ZAN: variants seen among roughly 807,000 people sequenced by gnomAD.
The protein encoded by ZAN is zonadhesin (gene/pseudogene).
ZAN carries 260 observed loss-of-function variants against 286.2 expected under a neutral mutation model. That is an observed-to-expected ratio of 0.91 (90% confidence interval 0.82 to 1.01). The LOEUF is 1.01. Ranked by LOEUF, ZAN falls within the 50% of genes least tolerant of loss-of-function variation. ZAN has a pLI of 0.00. For synonymous variants in ZAN, 1,368 were observed against 1,417.5 expected, an observed-to-expected ratio of 0.97 and a Z score of 0.79; for missense variants, 3,410 against 3,639.2, an observed-to-expected ratio of 0.94 and a Z score of 1.62.
intron 29 of ZAN, among the ~76,000 whole-genome samples, chr7:100,772,692 G>A (rs536948898): frequency 3.3e-5 from 5 of 151,582 alleles, no homozygotes; most frequent in Admixed American, 6.6e-5. Context: ...GTGGTGGTGG[G>A]CGCCTGTAGT....
At position 100,773,290 on chromosome 7, in the gene ZAN, A is replaced by T. The variant is rs748303052; in HGVS notation, c.5431A>T (p.Arg1811Trp). The change falls in exon 30 of 48, where the codon AGG becomes TGG. Residue 1811 changes from arginine to tryptophan, a missense_variant. Coordinates refer to ENST00000613979, the MANE Select transcript of ZAN (RefSeq NM_003386.3). ...AWRNRTFCPM[R>W]CPPGSSYSPC... ...AATGCTCTCATTTTCTTTAGCTATGAGGTGCCCACCTGGCAGCAGCTACAG... is the reference window on the plus strand; with the variant it reads ...AATGCTCTCATTTTCTTTAGCTATGTGGTGCCCACCTGGCAGCAGCTACAG... 1.2e-6 allele frequency: 2 copies of T among 1,613,130 alleles called. No homozygotes were observed. Among genetic ancestry groups the T allele is most frequent in the Non-Finnish European group, 1.7e-6 (2 of 1,179,882 alleles).
intron 17 of ZAN, 107 bp from the exon 18 acceptor site, chr7:100,759,614 G>A: frequency 7.2e-7 from 1 of 1,391,378 alleles, no homozygotes; most frequent in Non-Finnish European, 9.4e-7. Context: ...TGGGGCTGGT[G>A]TCTCGGTGGC....
At chr7:100,778,757 G>C (rs1476433216) in intron 34 of ZAN, among the ~76,000 whole-genome samples, 1 of 152,110 alleles carries the variant, frequency 6.6e-6, no homozygotes, top group Non-Finnish European at 1.5e-5. Context: ...ATAGGGCCAG[G>C]CGTGGTGGCT....
Position 100,750,704 on chromosome 7 carries a change from C to G in ZAN, c.1329C>G (p.Cys443Trp). ...TCAGACTGGTGAGCCGGCCCTTCTG[C>G]GCCCCAGGTGACATCTGCGTGGAGT... ...QSVRLVSRPF[C>W]APGDICVEFA... The change falls in exon 12 of 48, where the codon TGC becomes TGG. Residue 443 changes from cysteine (C) to tryptophan (W), a missense_variant. Physicochemically the swap from Cys to Trp is radical, Grantham distance 215 (BLOSUM62 -2). Coordinates refer to ENST00000613979, the MANE Select transcript of ZAN (RefSeq NM_003386.3). 6.2e-7 allele frequency: 1 copy of G among 1,612,898 alleles called. No individual in the cohort carries two copies. Among genetic ancestry groups the G allele is most frequent in the South Asian group, 1.1e-5 (1 of 90,840 alleles).
chr7:100,788,136 G>A lies in ZAN; in HGVS notation c.7227G>A (p.Val2409=). Residue 2409 remains valine (V), a splice_region_variant and synonymous_variant, in exon 38 of 48, where the codon GTG becomes GTA. Coordinates refer to ENST00000613979, the MANE Select transcript of ZAN (RefSeq NM_003386.3). ...AGCTCCAAGCTGGTCTGGAGCTTGT[G>A]GTAAGAGCTGGGCCAGGGCCTGGTG... The part of the protein sequence containing the change: ...KVQLQAGLEL[V]VNNQKMAVPY... 1 of 1,485,784 alleles carries A rather than the reference G, an allele frequency of 6.7e-7. No individual in the cohort carries two copies. Among genetic ancestry groups the A allele is most frequent in the Non-Finnish European group, 9.1e-7 (1 of 1,103,520 alleles). 92.0% of individuals were successfully genotyped at this position (1,485,784 alleles called of 1,614,324 possible).
At chr7:100,767,480 T>TG (rs1276189981) in intron 25 of ZAN, among the ~76,000 whole-genome samples, 1 of 141,792 alleles carries the variant, frequency 7.1e-6, no homozygotes, top group African/African-American at 2.6e-5. Context: ...TTTTTTTTTT[T>TG]TTTTTTTTTT....
chr7:100,787,371 G>T (rs570689640), intron 37 of ZAN, among the ~76,000 whole-genome samples: 3 of 151,964 alleles, frequency 2.0e-5, no homozygotes, highest in Non-Finnish European at 4.4e-5. Context: ...AGCTATGATC[G>T]TACCACTTGT....
chr7:100,758,729 C>T (rs1397124048), intron 17 of ZAN, 79 bp downstream of exon 17: 1 of 1,517,574 alleles, frequency 6.6e-7, no homozygotes, highest in South Asian at 1.2e-5. Flanking sequence ...TGGTGGGTGG[C>T]AGGAAGGGGC....
intron 31 of ZAN, 70 bp downstream of exon 31, chr7:100,773,935 C>A (rs976793266): frequency 1.3e-6 from 2 of 1,532,886 alleles, no homozygotes; most frequent in Non-Finnish European, 1.8e-6. Context: ...CCAACAGACT[C>A]CCTGCTGCCT....
chr7:100,762,416 T>A, intron 20 of ZAN, 58 bp downstream of exon 20: 48 of 1,119,514 alleles, frequency 4.3e-5, no homozygotes, highest in Non-Finnish European at 5.3e-5. Flanking sequence ...TTCCTGGAAC[T>A]CTCTTTTTTT....
chr7:100,749,369 A>C (rs75663191), intron 11 of ZAN, among the ~76,000 whole-genome samples: 1 of 150,734 alleles, frequency 6.6e-6, no homozygotes, highest in African/African-American at 2.4e-5. Context: ...GGCTGGGCGC[A>C]GTGGCTCACA....
At chr7:100,761,631 C>T (rs1365879788) in intron 19 of ZAN, among the ~76,000 whole-genome samples, 2 of 151,722 alleles carry the variant, frequency 1.3e-5, no homozygotes, top group Non-Finnish European at 2.9e-5. Context: ...GTGACCCTAT[C>T]TCTAAAATAA....
chr7:100,751,863 C>T lies in ZAN; in HGVS notation c.1758C>T (p.Val586=). The change falls in exon 14 of 48, where the codon GTC becomes GTT. Residue 586 remains valine, a synonymous_variant. Transcript: ENST00000613979. ...KPSVTTEKPT[V]PKEKPTIPTE... is the part of the protein sequence containing the mutation. The stretch of plus-strand genomic sequence containing the variant: ...GTGTCACCACAGAAAAGCCCACAGT[C>T]CCCAAAGAAAAGCCCACCATTCCCA... 2 of 1,613,588 alleles carry T rather than the reference C, an allele frequency of 1.2e-6. No individual in the cohort carries two copies. The highest frequency in any genetic ancestry group is 8.5e-7 in the Non-Finnish European group (1 of 1,179,822).
chr7:100,759,626 C>CCCGTA, intron 17 of ZAN, 95 bp from the exon 18 acceptor site: 1 of 1,334,776 alleles, frequency 7.5e-7, no homozygotes, highest in Non-Finnish European at 9.7e-7. Context: ...CTCGGTGGCG[C>CCCGTA]TCATCTCTCC....
chr7:100,795,083 G>A (rs1438975071), intron 44 of ZAN, 113 bp from the exon 45 acceptor site: 1 of 1,397,776 alleles, frequency 7.2e-7, no homozygotes, highest in Non-Finnish European at 9.5e-7. Flanking sequence ...CCCCTGGCCA[G>A]TCTCTGGCAG....
chr7:100,752,909 C>T lies in ZAN; in HGVS notation c.2804C>T (p.Thr935Ile). The T allele has an allele frequency of 6.2e-7, 1 of 1,611,092 alleles. No homozygotes were observed. Among genetic ancestry groups the T allele is most frequent in the East Asian group, 2.2e-5 (1 of 44,736 alleles). ...EKPTIPTEET[T>I]ISTEKLTIPT... Reference sequence around the variant, plus strand: ...CCCACCATCCCCACTGAAGAGACTACCATCTCCACAGAAAAACTCACCATC... The same window carrying T: ...CCCACCATCCCCACTGAAGAGACTATCATCTCCACAGAAAAACTCACCATC... The change falls in exon 14 of 48, where the codon ACC becomes ATC. Residue 935 changes from threonine to isoleucine, a missense_variant. Coordinates refer to ENST00000613979, the MANE Select transcript of ZAN (RefSeq NM_003386.3).
Position 100,779,581 on chromosome 7 carries a change from C to G in ZAN, c.6453C>G (p.Ala2151=). 2 of 1,610,036 alleles carry G rather than the reference C, an allele frequency of 1.2e-6. No individual in the cohort carries two copies. Among genetic ancestry groups the G allele is most frequent in the Non-Finnish European group, 1.7e-6 (2 of 1,178,332 alleles). ...CEAALRAPVW[A]QCASRIDLTP... The stretch of plus-strand genomic sequence containing the variant: ...CAGCGCTCCGGGCTCCTGTGTGGGC[C>G]CAGTGCGCCTCCCGCATAGACCTCA... Residue 2151 remains alanine (A), a synonymous_variant, in exon 35 of 48, where the codon GCC becomes GCG. Transcript: ENST00000613979.
intron 31 of ZAN, among the ~76,000 whole-genome samples, chr7:100,775,119 G>A (rs1369063873): frequency 1.3e-5 from 2 of 152,008 alleles, no homozygotes; most frequent in Non-Finnish European, 2.9e-5. Context: ...TAGTAGAGAC[G>A]GGTTTTTACC....
At chr7:100,794,654 G>A (rs1812230945) in intron 44 of ZAN, among the ~76,000 whole-genome samples, 1 of 151,936 alleles carries the variant, frequency 6.6e-6, no homozygotes, top group Admixed American at 6.6e-5. Flanking sequence ...GGCAATATAG[G>A]GAGACATCGT....
Sources: gnomAD v4.1 joint callset for allele counts (sites outside exome capture counted in the v4.1 genomes callset) on GRCh38, gnomAD v4.1.1 for gene constraint, MANE v1.5 for transcripts, NCBI Gene and HGNC (gene_info 2026-07-23, HGNC 2026-07-21) for gene names.